Variants in EP300 observed in about 807,000 individuals in gnomAD.
EP300 encodes histone acetyltransferase p300.
A neutral mutation model predicts 264.0 loss-of-function variants in EP300; 31 were observed. The ratio of observed to expected loss-of-function variants is 0.12; its 90% CI spans 0.09 to 0.16. The LOEUF is 0.16. EP300 is among the 10% of genes least tolerant of loss of function. The pLI is 1.00. For missense variants in EP300, 2,766 were observed against 3,052.9 expected (o/e 0.91, Z 2.21); for synonymous variants, 1,340 against 1,045.4 (o/e 1.28, Z -5.44).
chr22:41,131,405 C>A lies in EP300; in HGVS notation c.1300C>A (p.Pro434Thr). ...RNQQPILTGA[P>T]VGLGNPSSLG... ...TTCTCTAGCAATTTTGACTGGAGCA[C>A]CCGTTGGACTTGGAAATCCTAGCTC... The change falls in exon 6 of 31, where the codon CCC becomes ACC. Residue 434 changes from proline to threonine, a missense_variant. Coordinates refer to ENST00000263253, the MANE Select transcript of EP300 (RefSeq NM_001429.4). 1 of 1,613,928 alleles carries A rather than the reference C, an allele frequency of 6.2e-7. No homozygotes were observed. The highest frequency in any genetic ancestry group is 8.5e-7 in the Non-Finnish European group (1 of 1,180,010).
At chr22:41,162,826 T>C (rs778959287) in intron 21 of EP300, 47 bp downstream of exon 21, 4 of 1,503,142 alleles carry the variant, frequency 2.7e-6, no homozygotes, top group African/African-American at 1.4e-5. Context: ...GCTTTTCTTT[T>C]TCCCTTTCAT....
chr22:41,122,154 CTTCTTTTTTTTTTTT>C (rs2058855981), intron 2 of EP300, among the ~76,000 whole-genome samples: 2 of 97,252 alleles, frequency 2.1e-5, no homozygotes, highest in East Asian at 3.3e-4. Context: ...CTTTCTTCTT[CTTCTTTTTTTTTTTT>C]TTTTTTTTTT....
intron 25 of EP300, 154 bp from the exon 26 acceptor site, chr22:41,169,349 C>G: frequency 3.0e-6 from 2 of 658,618 alleles, no homozygotes; most frequent in Non-Finnish European, 5.4e-6. Flanking sequence ...GGGTTCACGG[C>G]GGAGTCGCCT....
intron 7 of EP300, among the ~76,000 whole-genome samples, chr22:41,137,035 G>C (rs2058954917): frequency 6.6e-6 from 1 of 151,350 alleles, no homozygotes; most frequent in South Asian, 2.1e-4. Context: ...ACTCCAGCCT[G>C]GGTGACAGAG....
chr22:41,156,174 C>T (rs539149716), intron 17 of EP300, among the ~76,000 whole-genome samples: 11 of 152,026 alleles, frequency 7.2e-5, no homozygotes, highest in African/African-American at 1.9e-4. Context: ...CCACCATGCC[C>T]GGCTAATTTT....
At chr22:41,110,867 C>T (rs1424274988) in intron 1 of EP300, among the ~76,000 whole-genome samples, 2 of 151,536 alleles carry the variant, frequency 1.3e-5, no homozygotes, top group Non-Finnish European at 2.9e-5. Flanking sequence ...CTGAGGATTT[C>T]TAAGTGTTTG....
At chr22:41,163,190 C>G (rs963096686) in intron 21 of EP300, among the ~76,000 whole-genome samples, 3 of 151,828 alleles carry the variant, frequency 2.0e-5, no homozygotes, top group African/African-American at 7.3e-5. Context: ...AATCCCAGCA[C>G]TTTGGGAGGC....
chr22:41,172,073 AGT>A (rs2059174115), intron 27 of EP300, among the ~76,000 whole-genome samples: 1 of 152,174 alleles, frequency 6.6e-6, no homozygotes, highest in African/African-American at 2.4e-5. Context: ...CAGTATTTGT[AGT>A]TTTGGTCATT....
chr22:41,154,563 G>C (rs2059066091), intron 16 of EP300, among the ~76,000 whole-genome samples: 1 of 151,740 alleles, frequency 6.6e-6, no homozygotes, highest in Admixed American at 6.6e-5. Flanking sequence ...ATTTTTAGTA[G>C]AGACGAGGTT....
intron 5 of EP300, among the ~76,000 whole-genome samples, chr22:41,130,975 T>C (rs1384569808): frequency 6.6e-6 from 1 of 152,012 alleles, no homozygotes; most frequent in Non-Finnish European, 1.5e-5. Flanking sequence ...GAATAGAAAA[T>C]AGACAATTCA....
In EP300 at chr22:41,176,648, G is replaced by A. The variant is rs1348653718; in HGVS notation, c.5061+120G>A. The A allele has an allele frequency of 2.5e-6, 4 of 1,608,258 alleles. No homozygotes were observed. In the East Asian group the frequency reaches 8.9e-5, roughly 36 times the overall value. On this transcript the variant is annotated intron_variant, in intron 30 of 30. Coordinates refer to ENST00000263253, the MANE Select transcript of EP300 (RefSeq NM_001429.4). ...TAGGGGCTTGGCCTCGTGTTTGAGG[G>A]GCAGAGCTGAAGAGGCTAGTTTTTG...
At chr22:41,160,004 T>C (rs569660196) in intron 19 of EP300, 1 of 135,966 alleles carries the variant, frequency 7.4e-6, no homozygotes, top group East Asian at 2.6e-4. Context: ...TTTTCTGCAG[T>C]TGTATCTATA....
intron 27 of EP300, among the ~76,000 whole-genome samples, chr22:41,171,864 C>T (rs759993965): frequency 1.3e-5 from 2 of 151,884 alleles, no homozygotes; most frequent in African/African-American, 2.4e-5. Flanking sequence ...CCACCTGCCT[C>T]GGCCTCCCAA....
At chr22:41,098,533 G>A (rs1028882149) in intron 1 of EP300, among the ~76,000 whole-genome samples, 3 of 151,844 alleles carry the variant, frequency 2.0e-5, no homozygotes, top group Non-Finnish European at 2.9e-5. Context: ...CACCACACCC[G>A]GCTAATTTTT....
Position 41,177,160 on chromosome 22 carries a change from C to G in EP300, c.5449C>G (p.Gln1817Glu). Residue 1817 changes from glutamine to glutamate, a missense_variant, in exon 31 of 31, where the codon CAG becomes GAG. Transcript: ENST00000263253. ...LNIKQKLRQQ[Q>E]LQHRLQQAQM... ...CATCAAGCAGAAGCTCCGGCAGCAA[C>G]AGCTGCAGCACCGACTACAGCAGGC... 1.2e-6 allele frequency: 2 copies of G among 1,614,144 alleles called. No individual in the cohort carries two copies. Among genetic ancestry groups the G allele is most frequent in the Non-Finnish European group, 1.7e-6 (2 of 1,180,018 alleles).
Position 41,177,634 on chromosome 22 carries a change from G to A in EP300, c.5923G>A (p.Gly1975Ser), listed in dbSNP as rs781601164. The change falls in exon 31 of 31, where the codon GGT becomes AGT. Residue 1975 changes from glycine to serine, a missense_variant. Physicochemically the swap from Gly to Ser is moderately conservative, Grantham distance 56. Coordinates refer to ENST00000263253, the MANE Select transcript of EP300 (RefSeq NM_001429.4). Reference sequence around the variant, plus strand: ...TATGAACCCACCTCCCATGACCAGAGGTCCCAGTGGGCATTTGGAGCCAGG... The same window carrying A: ...TATGAACCCACCTCCCATGACCAGAAGTCCCAGTGGGCATTTGGAGCCAGG... ...MGMNPPPMTRGPSGHLEPGMG... is the reference protein window; with the variant it reads ...MGMNPPPMTRSPSGHLEPGMG... The A allele has an allele frequency of 1.2e-6, 2 of 1,614,090 alleles. No individual in the cohort carries two copies. Among genetic ancestry groups the A allele is most frequent in the Non-Finnish European group, 8.5e-7 (1 of 1,180,024 alleles).
intron 1 of EP300, among the ~76,000 whole-genome samples, chr22:41,104,379 TC>T (rs1473259828): frequency 2.0e-5 from 3 of 151,956 alleles, no homozygotes; most frequent in Non-Finnish European, 4.4e-5. Context: ...AACCTCTGCC[TC>T]CCCGGTTCAA....
rs535255969 is a variant in EP300 at position 41,096,705 on chromosome 22, A to G, written c.94+3607A>G. On this transcript the variant is annotated intron_variant, in intron 1 of 30. Transcript: ENST00000263253. ...TCGATCTTGGCTCACTGCAATCTCA[A>G]CCTCCCAGGTTCAAGCGATTCTCTG... 2.9e-4 allele frequency among the ~76,000 whole-genome samples: 43 copies of G among 149,632 alleles called. No homozygotes were observed. In the South Asian group the frequency reaches 4.2e-3, roughly 15 times the overall value.
intron 6 of EP300, 102 bp from the exon 7 acceptor site, chr22:41,135,711 A>G (rs1031906444): frequency 1.2e-5 from 11 of 922,596 alleles, no homozygotes; most frequent in East Asian, 2.5e-5. Context: ...ATATGCTGCA[A>G]ATTTTTTTTC....
Sources: gnomAD v4.1 joint callset for allele counts (sites outside exome capture counted in the v4.1 genomes callset) on GRCh38, gnomAD v4.1.1 for gene constraint, MANE v1.5 for transcripts, NCBI Gene and HGNC (gene_info 2026-07-23, HGNC 2026-07-21) for gene names.